SH3BP1: variants seen among roughly 807,000 people sequenced by gnomAD.
SH3BP1 encodes the protein SH3 domain-binding protein 1.
SH3BP1 carries 46 observed loss-of-function variants against 69.8 expected under a neutral mutation model. The ratio of observed to expected loss-of-function variants is 0.66; its 90% CI spans 0.52 to 0.84. The LOEUF (loss-of-function observed/expected upper bound fraction) is 0.84. Among genes scored for constraint, SH3BP1 ranks in the 40% least tolerant of loss-of-function variants. The pLI is 0.00. For missense variants in SH3BP1, 868 were observed against 930.9 expected, an observed-to-expected ratio of 0.93 and a Z score of 0.88; for synonymous variants, 403 against 378.0, an observed-to-expected ratio of 1.07 and a Z score of -0.77.
Position 37,650,255 on chromosome 22 carries a change from G to A in SH3BP1, c.1414+6G>A, listed in dbSNP as rs7291860. 6,418 of 1,598,676 alleles carry A rather than the reference G, an allele frequency of 4.0e-3. 206 individuals are homozygous for A. The African/African-American group carries it at 0.07, about 17-fold the overall frequency. On this transcript the variant is annotated splice_donor_region_variant and intron_variant, in intron 15 of 17. Coordinates refer to ENST00000649765, the MANE Select transcript of SH3BP1 (RefSeq NM_018957.6). ...AGACACCCTCTTCCCTGGAGGTGAA[G>A]CTCCTGCCTGCATGGACGCCCTGCT...
chr22:37,646,758 C>T, intron 10 of SH3BP1, 60 bp from the exon 11 acceptor site: 3 of 1,077,006 alleles, frequency 2.8e-6, no homozygotes, highest in Non-Finnish European at 3.9e-6. Flanking sequence ...TACAAGTGCG[C>T]CAGGGTGTCC....
chr22:37,646,813 C>T lies in SH3BP1; in HGVS notation c.925-5C>T, dbSNP rs1421760020. On this transcript the variant is annotated splice_polypyrimidine_tract_variant and splice_region_variant and intron_variant, in intron 10 of 17. Transcript: ENST00000649765. ...TGACCCTTGCCTGCCTCCTCTCGAA[C>T]CCAGGGTCTCTTCCGTCTGGCTGCT... The T allele has an allele frequency of 2.6e-6, 4 of 1,517,642 alleles. No individual in the cohort carries two copies. Among genetic ancestry groups the T allele is most frequent in the Admixed American group, 4.3e-5 (2 of 46,450 alleles). 94.0% of individuals were successfully genotyped at this position (1,517,642 alleles called of 1,614,324 possible).
chr22:37,641,074 C>T, intron 1 of SH3BP1, 52 bp from the exon 2 acceptor site: 1 of 1,283,206 alleles, frequency 7.8e-7, no homozygotes, highest in Admixed American at 2.0e-5. Flanking sequence ...CGTTCTAACC[C>T]AGGCAGGCTC....
chr22:37,643,860 G>C, intron 7 of SH3BP1, 72 bp downstream of exon 7: 7 of 1,579,116 alleles, frequency 4.4e-6, no homozygotes, highest in Non-Finnish European at 5.2e-6. Context: ...CACAGGCAAG[G>C]AAGCTGAAGT....
chr22:37,642,273 C>T, intron 3 of SH3BP1: 1 of 482,996 alleles, frequency 2.1e-6, no homozygotes, highest in Non-Finnish European at 3.8e-6. Context: ...TCTTAGTTTC[C>T]CAGTCTGCAG....
intron 9 of SH3BP1, 80 bp downstream of exon 9, chr22:37,645,040 G>A (rs571556497): frequency 3.1e-6 from 4 of 1,296,990 alleles, no homozygotes; most frequent in Non-Finnish European, 4.4e-6. Flanking sequence ...ACTTCATCCT[G>A]AAAGGTAGCA....
intron 9 of SH3BP1, 155 bp downstream of exon 9, chr22:37,645,115 G>C: frequency 1.2e-6 from 1 of 849,084 alleles, no homozygotes; most frequent in Non-Finnish European, 1.8e-6. Flanking sequence ...TCTGGCTACT[G>C]TGTGGAGGGT....
At chr22:37,639,869 C>T in intron 1 of SH3BP1, 23 bp downstream of exon 1, 1 of 1,543,794 alleles carries the variant, frequency 6.5e-7, no homozygotes, top group Non-Finnish European at 8.7e-7. Context: ...CGCTTCCAGC[C>T]CCACTCTTAC....
chr22:37,643,203 A>C, intron 6 of SH3BP1, 29 bp downstream of exon 6: 2 of 1,577,884 alleles, frequency 1.3e-6, no homozygotes, highest in Non-Finnish European at 8.7e-7. Flanking sequence ...CAGGGGGCTC[A>C]TATCTGGGTC....
In SH3BP1 at chr22:37,650,526, C is replaced by A; in HGVS notation, c.1415-16C>A. ...GCGCGGTCTCTGAGAGCCGTCTCCG[C>A]TCCTTCTGTCTCCAGACATCAACTT... On this transcript the variant is annotated splice_polypyrimidine_tract_variant and intron_variant, in intron 15 of 17. Coordinates refer to ENST00000649765, the MANE Select transcript of SH3BP1 (RefSeq NM_018957.6). 1.2e-6 allele frequency: 2 copies of A among 1,601,012 alleles called. No homozygotes were observed. The highest frequency in any genetic ancestry group is 1.7e-6 in the Non-Finnish European group (2 of 1,171,564).
rs1276057079 is a variant in SH3BP1, at chr22:37,655,887, C to T, written c.*203C>T. On this transcript the variant is annotated 3_prime_UTR_variant, in exon 18 of 18. Coordinates refer to ENST00000649765, the MANE Select transcript of SH3BP1 (RefSeq NM_018957.6). ...TGACCTTTTCCTCGTCCACCCTGGG[C>T]TTGGGGACCCCCCCACCGGACTCTC... 1.3e-6 allele frequency: 2 copies of T among 1,554,016 alleles called. No individual in the cohort carries two copies. The highest frequency in any genetic ancestry group is 1.9e-5 in the Admixed American group (1 of 53,642).
chr22:37,639,916 G>A (rs1443757936), intron 1 of SH3BP1, 70 bp downstream of exon 1: 4 of 958,014 alleles, frequency 4.2e-6, no homozygotes, highest in African/African-American at 1.7e-5. Flanking sequence ...AGGGTCGGGG[G>A]AGACGGGGGT....
intron 1 of SH3BP1, chr22:37,640,759 C>T (rs904409060): frequency 6.9e-6 from 2 of 290,896 alleles, no homozygotes; most frequent in Non-Finnish European, 1.3e-5. Flanking sequence ...GTTCTTGGGG[C>T]CAGCTAATAC....
In SH3BP1 at chr22:37,642,597, A is replaced by T. The variant is rs751608628; in HGVS notation, c.266A>T (p.Asp89Val). The change falls in exon 4 of 18, where the codon GAC (aspartate) becomes GTC (valine). Residue 89 changes from aspartate to valine, a missense_variant. Physicochemically the swap from Asp to Val is radical, Grantham distance 152. This residue lies in a region of SH3BP1 where 387 missense variants were observed against 447.9 expected (regional missense o/e 0.86). Coordinates refer to ENST00000649765, the MANE Select transcript of SH3BP1 (RefSeq NM_018957.6). ...ATGGCTGAGAGCTTCAAGGAGCTGG[A>T]CCCTGATTCCAGCATGGGGTGAGCA... ...TTMAESFKEL[D>V]PDSSMGKALE... is the part of the protein sequence containing the mutation. The T allele has an allele frequency of 3.1e-6, 5 of 1,613,274 alleles. No homozygotes were observed. The South Asian group carries it at 5.5e-5, about 18-fold the overall frequency.
In SH3BP1 at chr22:37,645,698, G is replaced by A. The variant is rs560523554; in HGVS notation, c.924+188G>A. Reference sequence around the variant, plus strand: ...GTGTCAATGCTCGCGTGGGCCAAGCGCTGTACTAGAAGCCTTTGCATTCCA... The same window carrying A: ...GTGTCAATGCTCGCGTGGGCCAAGCACTGTACTAGAAGCCTTTGCATTCCA... On this transcript the variant is annotated intron_variant, in intron 10 of 17. Transcript: ENST00000649765. Among the ~76,000 whole-genome samples, 8 of 152,156 alleles carry A rather than the reference G, an allele frequency of 5.3e-5. No homozygotes were observed. In the East Asian group the frequency reaches 7.7e-4, roughly 15 times the overall value.
Position 37,643,785 on chromosome 22 carries a change from C to A in SH3BP1, c.615C>A (p.Cys205Ter). The A allele has an allele frequency of 6.2e-7, 1 of 1,612,886 alleles. No individual in the cohort carries two copies. Among genetic ancestry groups the A allele is most frequent in the East Asian group, 2.2e-5 (1 of 44,884 alleles). Residue 205 changes from cysteine (C) to a stop codon, truncating the protein, a stop_gained, in exon 7 of 18, where the codon TGC becomes TGA. Transcript: ENST00000649765. LOFTEE classifies it high-confidence loss of function. ...AGCTGAAGAGGAAAGTGGAGCAATGCAGGGTGAGGGCCATGGGGGTCCCCT... is the reference window on the plus strand; with the variant it reads ...AGCTGAAGAGGAAAGTGGAGCAATGAAGGGTGAGGGCCATGGGGGTCCCCT... ...EEELKRKVEQ[C>*]RDEYLADLYH...
chr22:37,655,295 C>T lies in SH3BP1; in HGVS notation c.1717C>T (p.Pro573Ser). 1 of 1,577,120 alleles carries T rather than the reference C, an allele frequency of 6.3e-7. No individual in the cohort carries two copies. The highest frequency in any genetic ancestry group is 8.6e-7 in the Non-Finnish European group (1 of 1,164,280). The change falls in exon 18 of 18, where the codon CCC (proline) becomes TCC (serine). Residue 573 changes from proline to serine, a missense_variant. By Grantham distance (74) the Pro-to-Ser change is moderately conservative. Transcript: ENST00000649765. The stretch of plus-strand genomic sequence containing the variant: ...AGCCAAGCGCCCGGCGCCAGCCCGG[C>T]CCACCATGCCGCCCCCCCAGGTCTC... Reference protein sequence around the residue: ...RRTKRPAPARPTMPPPQVSGS... With the variant: ...RRTKRPAPARSTMPPPQVSGS...
chr22:37,643,970 T>C (rs1932714335), intron 7 of SH3BP1, among the ~76,000 whole-genome samples, 182 bp downstream of exon 7: 1 of 152,174 alleles, frequency 6.6e-6, no homozygotes, highest in Admixed American at 6.5e-5. Context: ...CATGCATAAC[T>C]TGGGAAGGCA....
chr22:37,655,421 C>A lies in SH3BP1; in HGVS notation c.1843C>A (p.Arg615=). Residue 615 remains arginine, a synonymous_variant, in exon 18 of 18, where the codon CGA becomes AGA. Coordinates refer to ENST00000649765, the MANE Select transcript of SH3BP1 (RefSeq NM_018957.6). ...LPRRLVGSSL[R]APTVPPPLPP... The stretch of plus-strand genomic sequence containing the variant: ...CCGACGTCTGGTTGGCAGCAGCCTC[C>A]GAGCCCCCACAGTGCCACCCCCGTT... 6.9e-7 allele frequency: 1 copy of A among 1,442,600 alleles called. No individual in the cohort carries two copies. Among genetic ancestry groups the A allele is most frequent in the Non-Finnish European group, 9.3e-7 (1 of 1,077,408 alleles). 89.4% of individuals were successfully genotyped at this position (1,442,600 alleles called of 1,614,324 possible).
Sources: allele counts gnomAD v4.1 joint callset (sites outside exome capture counted in the v4.1 genomes callset), GRCh38; gene constraint gnomAD v4.1.1; regional missense constraint gnomAD v4.1.1; transcripts MANE v1.5; gene names NCBI Gene and HGNC (gene_info 2026-07-23, HGNC 2026-07-21).